Variants in ARHGAP15 observed in about 807,000 individuals in gnomAD.
The protein encoded by ARHGAP15 is rho GTPase-activating protein 15.
A neutral mutation model predicts 63.7 loss-of-function variants in ARHGAP15; 51 were observed. That is an observed-to-expected ratio of 0.80 (90% CI 0.64 to 1.01). ARHGAP15 has a LOEUF of 1.01. Ranked by LOEUF, ARHGAP15 falls within the 50% of genes least tolerant of loss-of-function variation. The pLI, the probability that ARHGAP15 is intolerant of heterozygous loss-of-function variation, is 0.00. For synonymous variants in ARHGAP15, 191 were observed against 193.8 expected (o/e 0.99, Z 0.12); for missense variants, 560 against 564.6 (o/e 0.99, Z 0.08).
chr2:143,339,005 G>A (rs568003832), intron 6 of ARHGAP15, among the ~76,000 whole-genome samples: 2 of 152,024 alleles, frequency 1.3e-5, no homozygotes, highest in Non-Finnish European at 2.9e-5. Context: ...CAAGCAATAA[G>A]TATGAGGTAA....
chr2:143,438,077 T>A lies in ARHGAP15; in HGVS notation c.703+1035T>A, dbSNP rs191497955. ...AGAGAAAACCTATTTCCCAAAGTCT[T>A]AAAAATTATAGTATTTTGGGGGAGT... On this transcript the variant is annotated intron_variant, in intron 8 of 13. Transcript: ENST00000295095. 1.5e-3 allele frequency among the ~76,000 whole-genome samples: 226 copies of A among 152,254 alleles called. 1 individual carries two copies. The highest frequency in any genetic ancestry group is 5.4e-3 in the African/African-American group (224 of 41,554).
intron 6 of ARHGAP15, among the ~76,000 whole-genome samples, chr2:143,401,330 A>T (rs1386807506): frequency 6.6e-6 from 1 of 152,046 alleles, no homozygotes; most frequent in African/African-American, 2.4e-5. Context: ...GTATTTTGTT[A>T]GCTGCACTTC....
intron 1 of ARHGAP15, among the ~76,000 whole-genome samples, chr2:143,145,133 C>A (rs749395118): frequency 2.6e-5 from 4 of 152,030 alleles, no homozygotes; most frequent in Non-Finnish European, 5.9e-5. Flanking sequence ...GAAGCATGTG[C>A]ACATCTGGAA....
chr2:143,649,279 T>G (rs1182849956), intron 12 of ARHGAP15, among the ~76,000 whole-genome samples: 1 of 151,982 alleles, frequency 6.6e-6, no homozygotes, highest in African/African-American at 2.4e-5. Flanking sequence ...TGTTGTTCAT[T>G]TCAAAACAGT....
At chr2:143,410,169 C>T (rs1206380224) in intron 6 of ARHGAP15, among the ~76,000 whole-genome samples, 1 of 151,900 alleles carries the variant, frequency 6.6e-6, no homozygotes, top group East Asian at 1.9e-4. Context: ...ATTATACCAA[C>T]ATATTAAAAG....
chr2:143,249,652 A>G (rs541445680), intron 5 of ARHGAP15, among the ~76,000 whole-genome samples: 19 of 152,230 alleles, frequency 1.2e-4, no homozygotes, highest in African/African-American at 4.6e-4. Context: ...TTAAAAAATA[A>G]TTGGCGGTAT....
chr2:143,483,491 G>C (rs1453844295), intron 8 of ARHGAP15, among the ~76,000 whole-genome samples: 4 of 152,210 alleles, frequency 2.6e-5, no homozygotes, highest in African/African-American at 9.6e-5. Flanking sequence ...TGTAACCTGT[G>C]AAAACTTAGA....
chr2:143,535,964 C>A (rs1480270784), intron 10 of ARHGAP15, among the ~76,000 whole-genome samples: 1 of 151,860 alleles, frequency 6.6e-6, no homozygotes, highest in Non-Finnish European at 1.5e-5. Flanking sequence ...TTTTCACATA[C>A]AACATGAAGT....
At chr2:143,679,557 T>C (rs1035459250) in intron 12 of ARHGAP15, among the ~76,000 whole-genome samples, 3 of 152,136 alleles carry the variant, frequency 2.0e-5, no homozygotes, top group Non-Finnish European at 4.4e-5. Context: ...AGCTTGAAAA[T>C]GTCTTTCTCG....
Position 143,736,361 on chromosome 2 carries a change from A to T in ARHGAP15, c.1245-31628A>T, listed in dbSNP as rs1574910378. ...CAGTGAGCCCAGATTGTACCACTGC[A>T]CTCCAGCCTGGGCAACAAGAGCGAA... On this transcript the variant is annotated intron_variant, in intron 13 of 13. Transcript: ENST00000295095. Among the ~76,000 whole-genome samples, 11 of 151,292 alleles carry T rather than the reference A, an allele frequency of 7.3e-5. No individual in the cohort carries two copies. The South Asian group carries it at 2.3e-3, about 32-fold the overall frequency.
At chr2:143,311,792 T>C (rs1683459490) in intron 6 of ARHGAP15, among the ~76,000 whole-genome samples, 1 of 152,132 alleles carries the variant, frequency 6.6e-6, no homozygotes, top group Admixed American at 6.6e-5. Flanking sequence ...TGGATCTGCC[T>C]GCAAAGAAAA....
At chr2:143,459,340 TG>T (rs940194360) in intron 8 of ARHGAP15, among the ~76,000 whole-genome samples, 2 of 147,564 alleles carry the variant, frequency 1.4e-5, no homozygotes, top group Non-Finnish European at 3.0e-5. Flanking sequence ...AAATGGGGGG[TG>T]GGGGGAAGGA....
At chr2:143,196,263 TAATACTAGGTTCA>T (rs1461965171) in intron 2 of ARHGAP15, among the ~76,000 whole-genome samples, 7 of 152,004 alleles carry the variant, frequency 4.6e-5, no homozygotes, top group Non-Finnish European at 1.0e-4. Context: ...AGATTTTCAG[TAATACTAGGTTCA>T]AAATAATCCA....
intron 11 of ARHGAP15, among the ~76,000 whole-genome samples, chr2:143,578,488 GC>G (rs1696762119): frequency 6.6e-6 from 1 of 152,238 alleles, no homozygotes; most frequent in Admixed American, 6.5e-5. Context: ...CCAGCAAAGG[GC>G]CAGGGAGAGT....
intron 12 of ARHGAP15, among the ~76,000 whole-genome samples, chr2:143,645,975 G>C (rs1283024689): frequency 1.3e-5 from 2 of 152,092 alleles, no homozygotes; most frequent in African/African-American, 2.4e-5. Flanking sequence ...GAGCCTCCCA[G>C]ATAGCTATTC....
intron 12 of ARHGAP15, among the ~76,000 whole-genome samples, chr2:143,694,584 G>A (rs1386028949): frequency 1.3e-5 from 2 of 152,152 alleles, no homozygotes; most frequent in Non-Finnish European, 2.9e-5. Context: ...CAGAAATGCT[G>A]ACTAAAGTTG....
chr2:143,311,967 T>A (rs1189544870), intron 6 of ARHGAP15, among the ~76,000 whole-genome samples: 1 of 152,128 alleles, frequency 6.6e-6, no homozygotes, highest in Non-Finnish European at 1.5e-5. Flanking sequence ...TCCTTTTTTT[T>A]CCCTCTTCAC....
At chr2:143,549,731 C>T (rs1330727994) in intron 10 of ARHGAP15, among the ~76,000 whole-genome samples, 2 of 152,160 alleles carry the variant, frequency 1.3e-5, no homozygotes, top group African/African-American at 2.4e-5. Context: ...CTCAGGTCTT[C>T]TCCAACAGAA....
At chr2:143,490,671 AG>A (rs2105234384) in intron 9 of ARHGAP15, among the ~76,000 whole-genome samples, 1 of 152,034 alleles carries the variant, frequency 6.6e-6, no homozygotes, top group Non-Finnish European at 1.5e-5. Flanking sequence ...CCCAGGCTGG[AG>A]TGCAGTGGCA....
Sources: allele counts gnomAD v4.1 joint callset (sites outside exome capture counted in the v4.1 genomes callset), GRCh38; gene constraint gnomAD v4.1.1; transcripts MANE v1.5; gene names NCBI Gene and HGNC (gene_info 2026-07-23, HGNC 2026-07-21).